S100Z: variants seen among roughly 807,000 people sequenced by gnomAD.
S100Z encodes the protein S100 calcium binding protein Z.
Under a neutral mutation model 8.5 loss-of-function variants are expected in S100Z, and 11 were observed. The ratio of observed to expected loss-of-function variants is 1.30; its 90% CI spans 0.82 to 2.15. The LOEUF (loss-of-function observed/expected upper bound fraction) is 2.15. Ranked by LOEUF, S100Z falls within the 30% of genes most tolerant of loss-of-function variation. The pLI is 0.00. For synonymous variants in S100Z, 34 were observed against 43.8 expected (o/e 0.78, Z 0.89); for missense variants, 126 against 117.9 (o/e 1.07, Z -0.32).
chr5:76,898,387 G>A (rs1009140975), intron 4 of S100Z, among the ~76,000 whole-genome samples: 10 of 151,954 alleles, frequency 6.6e-5, no homozygotes, highest in Non-Finnish European at 1.3e-4. Flanking sequence ...GATTCCTGAG[G>A]TGGGTGGATC....
At chr5:76,851,514 G>T (rs533839845) in intron 1 of S100Z, among the ~76,000 whole-genome samples, 2 of 152,154 alleles carry the variant, frequency 1.3e-5, no homozygotes, top group Admixed American at 1.3e-4. Flanking sequence ...TTGCATGAGA[G>T]AGAGAGAGGG....
chr5:76,938,146 A>G, the S100Z span, among the ~76,000 whole-genome samples: 1 of 152,182 alleles, frequency 6.6e-6, no homozygotes, highest in Non-Finnish European at 1.5e-5. Context: ...TTGGTCAAAA[A>G]GGTATGACCT....
intron 1 of S100Z, among the ~76,000 whole-genome samples, chr5:76,851,229 C>T (rs984414473): frequency 9.2e-5 from 14 of 152,202 alleles, no homozygotes; most frequent in Middle Eastern, 3.4e-3. Context: ...GCCACGTGTG[C>T]GGCACAGATG....
chr5:76,875,893 C>T (rs1278692540), intron 3 of S100Z, among the ~76,000 whole-genome samples: 1 of 152,076 alleles, frequency 6.6e-6, no homozygotes. Context: ...ACTTTACCTT[C>T]AGAGGTGGGG....
chr5:76,867,930 C>A (rs1425288226), intron 1 of S100Z, among the ~76,000 whole-genome samples: 1 of 152,186 alleles, frequency 6.6e-6, no homozygotes, highest in African/African-American at 2.4e-5. Flanking sequence ...TTCTCCCATT[C>A]TTTGCACACT....
chr5:76,934,782 A>C, the S100Z span, among the ~76,000 whole-genome samples: 2 of 152,272 alleles, frequency 1.3e-5, no homozygotes, highest in East Asian at 3.9e-4. Flanking sequence ...CCCAGACTTC[A>C]GAACAGTGAG....
chr5:76,894,993 A>C (rs1743986517), intron 4 of S100Z, among the ~76,000 whole-genome samples: 2 of 152,152 alleles, frequency 1.3e-5, no homozygotes, highest in African/African-American at 4.8e-5. Flanking sequence ...CTGAAGTCTA[A>C]CTTTAAATGT....
At chr5:76,930,600 C>T in the S100Z span, among the ~76,000 whole-genome samples, 122 of 152,218 alleles carry the variant, frequency 8.0e-4, 1 homozygote, top group African/African-American at 2.8e-3. Context: ...TTCTGCAGCT[C>T]GATACCTTAG....
At chr5:76,873,507 C>T (rs1475473389) in intron 2 of S100Z, among the ~76,000 whole-genome samples, 2 of 152,028 alleles carry the variant, frequency 1.3e-5, no homozygotes, top group Admixed American at 6.6e-5. Context: ...AGGGTTTCAC[C>T]ATTTTGGTCA....
intron 1 of S100Z, among the ~76,000 whole-genome samples, chr5:76,865,240 C>CT (rs140953492): frequency 0.024 from 2,431 of 100,544 alleles, 55 homozygotes; most frequent in African/African-American, 0.061. Context: ...TGTCCTAGCT[C>CT]TTTTTTTTTT....
the S100Z span, among the ~76,000 whole-genome samples, chr5:76,937,002 A>G: frequency 6.6e-6 from 1 of 150,816 alleles, no homozygotes; most frequent in Non-Finnish European, 1.5e-5. Context: ...ACACAGTTGG[A>G]AGTCTGATCG....
intron 1 of S100Z, among the ~76,000 whole-genome samples, chr5:76,869,557 A>T (rs1487016809): frequency 1.3e-5 from 2 of 152,130 alleles, no homozygotes; most frequent in Non-Finnish European, 2.9e-5. Context: ...GTGGGTGTTG[A>T]TTTGTGATTT....
At chr5:76,932,142 C>CT in the S100Z span, among the ~76,000 whole-genome samples, 14 of 151,884 alleles carry the variant, frequency 9.2e-5, no homozygotes, top group African/African-American at 3.1e-4. Context: ...CATTTAAATT[C>CT]TTTTTTTTCT....
At chr5:76,908,711 T>C (rs1744542540) in intron 4 of S100Z, among the ~76,000 whole-genome samples, 1 of 152,218 alleles carries the variant, frequency 6.6e-6, no homozygotes, top group South Asian at 2.1e-4. Flanking sequence ...CCTATTCATA[T>C]AAATGAGGAC....
chr5:76,946,300 C>T, the S100Z span, among the ~76,000 whole-genome samples: 4,563 of 152,272 alleles, frequency 0.03, 234 homozygotes, highest in African/African-American at 0.1. Context: ...TGATGTCATT[C>T]AACAATCCTT....
At chr5:76,951,119 G>C in the S100Z span, among the ~76,000 whole-genome samples, 1 of 151,932 alleles carries the variant, frequency 6.6e-6, no homozygotes, top group Non-Finnish European at 1.5e-5. Context: ...CCTAGAATTT[G>C]GTGGGAATGA....
intron 1 of S100Z, among the ~76,000 whole-genome samples, chr5:76,868,385 T>A (rs1422156306): frequency 2.0e-5 from 3 of 152,184 alleles, no homozygotes; most frequent in Non-Finnish European, 2.9e-5. Flanking sequence ...AGCCAAGATG[T>A]AGAAGCCACA....
the S100Z span, among the ~76,000 whole-genome samples, chr5:76,945,369 T>C: frequency 2.6e-5 from 4 of 152,106 alleles, no homozygotes; most frequent in African/African-American, 9.7e-5. Flanking sequence ...CCGACACCCA[T>C]GAAGGGTCTG....
At chr5:76,924,571 T>G (rs73122079), downstream of S100Z, among the ~76,000 whole-genome samples, 11,869 of 152,184 alleles carry the variant, frequency 0.078, 1,543 homozygotes, top group African/African-American at 0.27. Context: ...ATTAGTTCCC[T>G]GCTTCTGTAT....
Sources: allele counts gnomAD v4.1 joint callset (sites outside exome capture counted in the v4.1 genomes callset), GRCh38; gene constraint gnomAD v4.1.1; transcripts MANE v1.5; gene names NCBI Gene and HGNC (gene_info 2026-07-23, HGNC 2026-07-21).